SOAT1: variants seen among roughly 807,000 people sequenced by gnomAD.
SOAT1 encodes the protein sterol O-acyltransferase 1, also known as acyl-coenzyme A:cholesterol acyltransferase 1.
A neutral mutation model predicts 69.5 loss-of-function variants in SOAT1; 55 were observed. The observed-to-expected ratio is 0.79, with a 90% CI of 0.64 to 0.99. The LOEUF is 0.99. Among genes scored for constraint, SOAT1 ranks in the 50% least tolerant of loss-of-function variants. The pLI is 0.00. For missense variants in SOAT1, 580 were observed against 669.3 expected, an observed-to-expected ratio of 0.87 and a Z score of 1.47; for synonymous variants, 231 against 224.7, an observed-to-expected ratio of 1.03 and a Z score of -0.25.
At chr1:179,304,749 A>G (rs563753646) in intron 2 of SOAT1, among the ~76,000 whole-genome samples, 2 of 152,142 alleles carry the variant, frequency 1.3e-5, no homozygotes, top group South Asian at 4.2e-4. Flanking sequence ...CCCAGGCTCA[A>G]GTGATCCTCC....
At chr1:179,347,084 C>T (rs796560179) in intron 11 of SOAT1, among the ~76,000 whole-genome samples, 2 of 151,718 alleles carry the variant, frequency 1.3e-5, no homozygotes, top group Admixed American at 6.6e-5. Flanking sequence ...GTAGGCTGGG[C>T]GCGATGGCTC....
chr1:179,340,397 G>A lies in SOAT1; in HGVS notation c.498-631G>A, dbSNP rs544385607. Among the ~76,000 whole-genome samples the A allele has an allele frequency of 4.3e-4, 66 of 152,218 alleles. 2 individuals are homozygous for A. In the South Asian group the frequency reaches 8.3e-3, roughly 19 times the overall value. ...CTCAGGAGGCTGAGATAGGAGGATC[G>A]CTTGAGCCAGGGAGGTTGAGGCTGC... On this transcript the variant is annotated intron_variant, in intron 6 of 15. Coordinates refer to ENST00000367619, the MANE Select transcript of SOAT1 (RefSeq NM_003101.6).
chr1:179,348,744 T>G (rs1666614309), intron 12 of SOAT1, 100 bp from the exon 13 acceptor site: 4 of 683,460 alleles, frequency 5.9e-6, no homozygotes, highest in Admixed American at 2.2e-5. Flanking sequence ...GTCAGGGGGG[T>G]TTGCTTTCGG....
chr1:179,319,545 C>T (rs1438656871), intron 2 of SOAT1, among the ~76,000 whole-genome samples: 1 of 152,144 alleles, frequency 6.6e-6, no homozygotes, highest in Non-Finnish European at 1.5e-5. Flanking sequence ...GCTGGGATTA[C>T]AGTCATGAGC....
intron 2 of SOAT1, among the ~76,000 whole-genome samples, chr1:179,307,241 A>G (rs1214829105): frequency 6.6e-6 from 1 of 152,190 alleles, no homozygotes; most frequent in Non-Finnish European, 1.5e-5. Flanking sequence ...ACATAGATAC[A>G]GTTACAGTAG....
At position 179,354,969 on chromosome 1, in the gene SOAT1, A is replaced by C. The variant is rs1298963373; in HGVS notation, c.*1328A>C. 2 of 152,166 alleles carry C rather than the reference A, an allele frequency of 1.3e-5. No individual in the cohort carries two copies. Among genetic ancestry groups the C allele is most frequent in the Admixed American group, 6.6e-5 (1 of 15,260 alleles). 9.4% of individuals were successfully genotyped at this position (152,166 alleles called of 1,614,324 possible). A position where few individuals can be genotyped will look rare whatever the true frequency, so the allele number is the denominator to read the frequency against. ...GAGAGGCTCTCTTGGTATTGTTTGGAATTGTTTTAAAGTCAGTTTGAGTCT... is the reference window on the plus strand; with the variant it reads ...GAGAGGCTCTCTTGGTATTGTTTGGCATTGTTTTAAAGTCAGTTTGAGTCT... On this transcript the variant is annotated 3_prime_UTR_variant, in exon 16 of 16. Coordinates refer to ENST00000367619, the MANE Select transcript of SOAT1 (RefSeq NM_003101.6).
At chr1:179,315,201 T>G (rs1665348320) in intron 2 of SOAT1, among the ~76,000 whole-genome samples, 1 of 152,148 alleles carries the variant, frequency 6.6e-6, no homozygotes, top group African/African-American at 2.4e-5. Flanking sequence ...TCCCAACAGT[T>G]TCAGAGGCCA....
intron 4 of SOAT1, among the ~76,000 whole-genome samples, chr1:179,337,597 A>G (rs1263889928): frequency 2.0e-5 from 3 of 152,168 alleles, no homozygotes; most frequent in Admixed American, 6.5e-5. Flanking sequence ...CCTTCTTAAG[A>G]GTTGTGTATG....
chr1:179,339,902 G>C (rs1558054199), intron 6 of SOAT1, among the ~76,000 whole-genome samples: 2 of 152,084 alleles, frequency 1.3e-5, no homozygotes, highest in Non-Finnish European at 2.9e-5. Flanking sequence ...TGTATCCATG[G>C]GTTCTACATC....
intron 13 of SOAT1, 118 bp from the exon 14 acceptor site, chr1:179,350,178 T>C (rs1666675023): frequency 8.0e-6 from 6 of 747,154 alleles, no homozygotes; most frequent in Non-Finnish European, 1.3e-5. Flanking sequence ...AGGAGTAGAC[T>C]TAGAAAATTA....
chr1:179,316,468 C>T (rs1222148578), intron 2 of SOAT1, among the ~76,000 whole-genome samples: 1 of 152,102 alleles, frequency 6.6e-6, no homozygotes, highest in Non-Finnish European at 1.5e-5. Flanking sequence ...ATGATCTCGG[C>T]TCACCGCAAC....
Position 179,356,871 on chromosome 1 carries a change from GAT to G in SOAT1, c.*3231_*3232del, listed in dbSNP as rs1450842141. Reference sequence around the variant, plus strand: ...ATTTATTTGTTTTTTTTTTTTTAGAGATGGGGGGGGTCTCCCTATGTTGCCCA... The same window carrying G: ...ATTTATTTGTTTTTTTTTTTTTAGAGGGGGGGGGTCTCCCTATGTTGCCCA... On this transcript the variant is annotated 3_prime_UTR_variant, in exon 16 of 16. Transcript: ENST00000367619. 7.2e-6 allele frequency: 1 copy of G among 138,708 alleles called. No individual in the cohort carries two copies. Among genetic ancestry groups the G allele is most frequent in the African/African-American group, 2.9e-5 (1 of 34,760 alleles). 8.6% of individuals were successfully genotyped at this position (138,708 alleles called of 1,614,324 possible).
At chr1:179,316,383 T>C (rs1665395105) in intron 2 of SOAT1, among the ~76,000 whole-genome samples, 2 of 152,112 alleles carry the variant, frequency 1.3e-5, no homozygotes, top group South Asian at 4.1e-4. Context: ...GTGATATATC[T>C]AAGTCGATTA....
chr1:179,341,961 G>T (rs115689795), intron 7 of SOAT1, 153 bp from the exon 8 acceptor site: 3 of 583,870 alleles, frequency 5.1e-6, no homozygotes, highest in African/African-American at 4.0e-5. Context: ...GTTTTGTCAT[G>T]TAACTATATA....
intron 4 of SOAT1, among the ~76,000 whole-genome samples, chr1:179,337,478 A>C (rs944092264): frequency 5.9e-5 from 9 of 151,964 alleles, no homozygotes; most frequent in South Asian, 2.1e-4. Flanking sequence ...TACAAGAAGG[A>C]AAAGTGATTG....
At chr1:179,329,950 A>G (rs867488447) in intron 3 of SOAT1, among the ~76,000 whole-genome samples, 5 of 152,180 alleles carry the variant, frequency 3.3e-5, no homozygotes, top group African/African-American at 1.2e-4. Flanking sequence ...TACTGGCTCC[A>G]TGGTCCTTAA....
At chr1:179,320,744 T>C (rs914532227) in intron 2 of SOAT1, among the ~76,000 whole-genome samples, 3 of 152,128 alleles carry the variant, frequency 2.0e-5, no homozygotes, top group African/African-American at 7.2e-5. Context: ...TTTTACTTAT[T>C]TATTTTTTTG....
At chr1:179,304,857 A>G (rs1200158532) in intron 2 of SOAT1, among the ~76,000 whole-genome samples, 2 of 151,912 alleles carry the variant, frequency 1.3e-5, no homozygotes, top group Non-Finnish European at 2.9e-5. Context: ...CATGTTGGCC[A>G]GGCTGGTCTT....
rs71901753 is a variant in SOAT1 at position 179,351,721 on chromosome 1, A to ATTTTTTTTTTTTTTTTTTTTTT, written c.1596+275_1596+276insTTTTTTTTTTTTTTTTTTTTTT. Among the ~76,000 whole-genome samples, 232 of 106,428 alleles carry ATTTTTTTTTTTTTTTTTTTTTT rather than the reference A, an allele frequency of 2.2e-3. 24 individuals are homozygous for ATTTTTTTTTTTTTTTTTTTTTT. Among genetic ancestry groups the ATTTTTTTTTTTTTTTTTTTTTT allele is most frequent in the African/African-American group, 8.1e-3 (203 of 25,122 alleles). The allele number at this position is 106,428 out of a possible 152,430, so 69.8% of individuals were successfully genotyped here. A position where few individuals can be genotyped will look rare whatever the true frequency, so the allele number is the denominator to read the frequency against. ...ACTGCCTTTTCTTCAGCCCCTTCTA[A>ATTTTTTTTTTTTTTTTTTTTTT]TTTTTTTTTTTTTTTTGAGACAGAG... On this transcript the variant is annotated intron_variant, in intron 15 of 15. Coordinates refer to ENST00000367619, the MANE Select transcript of SOAT1 (RefSeq NM_003101.6).
Sources: allele counts gnomAD v4.1 joint callset (sites outside exome capture counted in the v4.1 genomes callset), GRCh38; gene constraint gnomAD v4.1.1; transcripts MANE v1.5; gene names NCBI Gene and HGNC (gene_info 2026-07-23, HGNC 2026-07-21).